Variants in SPAG17 observed in about 807,000 individuals in gnomAD.
SPAG17 encodes sperm associated antigen 17.
In SPAG17, 169 loss-of-function variants were observed where a neutral mutation model predicts 273.6. That is an observed-to-expected ratio of 0.62 (90% CI 0.55 to 0.70). The LOEUF (loss-of-function observed/expected upper bound fraction) is 0.70. SPAG17 is among the 30% of genes least tolerant of loss of function. The probability of loss-of-function intolerance (pLI) is 0.00; values close to 1 mark genes in which losing one functional copy is unlikely to be tolerated. For missense variants in SPAG17, 2,557 were observed against 2,627.8 expected (o/e 0.97, Z 0.59); for synonymous variants, 825 against 873.2 (o/e 0.94, Z 0.97).
intron 32 of SPAG17, among the ~76,000 whole-genome samples, chr1:118,002,431 T>A (rs577951911): frequency 5.3e-5 from 8 of 152,314 alleles, no homozygotes; most frequent in Middle Eastern, 3.4e-3. Context: ...GGTGTTAAAA[T>A]CTCCCATTAC....
intron 3 of SPAG17, among the ~76,000 whole-genome samples, chr1:118,130,093 T>G (rs556506836): frequency 9.9e-5 from 15 of 152,274 alleles, no homozygotes; most frequent in African/African-American, 3.6e-4. Context: ...AAGGGCTTAT[T>G]CCTTGAATTT....
chr1:118,085,538 G>GCGCA lies in SPAG17; in HGVS notation c.1762+383_1762+384insTGCG, dbSNP rs553795598. On this transcript the variant is annotated intron_variant, in intron 13 of 48. Coordinates refer to ENST00000336338, the MANE Select transcript of SPAG17 (RefSeq NM_206996.4). ...CGTGCGTGCATACGCGTGCGCGCGC[G>GCGCA]CACACACACACACACACACACAGCC... Among the ~76,000 whole-genome samples, 471 of 149,680 alleles carry GCGCA rather than the reference G, an allele frequency of 3.1e-3. 1 individual carries two copies. The highest frequency in any genetic ancestry group is 0.012 in the East Asian group (61 of 5,120).
At chr1:118,159,751 T>G (rs1659820768) in intron 1 of SPAG17, among the ~76,000 whole-genome samples, 1 of 152,158 alleles carries the variant, frequency 6.6e-6, no homozygotes, top group Non-Finnish European at 1.5e-5. Context: ...GCACATGAGC[T>G]TAATTCGGTT....
chr1:117,956,130 C>T (rs576046470), intron 48 of SPAG17, among the ~76,000 whole-genome samples: 53 of 152,096 alleles, frequency 3.5e-4, no homozygotes, highest in Non-Finnish European at 6.8e-4. Flanking sequence ...TGTATTTTGT[C>T]CTGTGAATTT....
intron 3 of SPAG17, among the ~76,000 whole-genome samples, chr1:118,145,831 G>A (rs1187987805): frequency 1.3e-5 from 2 of 152,070 alleles, no homozygotes; most frequent in Non-Finnish European, 2.9e-5. Flanking sequence ...TGAAATAAGT[G>A]AGTCATCAAC....
At chr1:118,076,639 A>C (rs1654123085) in intron 15 of SPAG17, 2 of 152,332 alleles carry the variant, frequency 1.3e-5, no homozygotes, top group Admixed American at 6.5e-5. Context: ...AGTTTAGAAA[A>C]TATGTTCTAA....
chr1:118,034,455 C>T (rs564423200), intron 24 of SPAG17, among the ~76,000 whole-genome samples: 1 of 152,322 alleles, frequency 6.6e-6, no homozygotes, highest in South Asian at 2.1e-4. Flanking sequence ...CTAGAATTCC[C>T]TCCCTTCAAT....
At position 118,068,066 on chromosome 1, in the gene SPAG17, G is replaced by A. The variant is rs1042563142; in HGVS notation, c.2386-1167C>T. Among the ~76,000 whole-genome samples, 8 of 151,698 alleles carry A rather than the reference G, an allele frequency of 5.3e-5. No individual in the cohort carries two copies. The East Asian group carries it at 5.8e-4, about 11-fold the overall frequency. On this transcript the variant is annotated intron_variant, in intron 17 of 48. Transcript: ENST00000336338. ...ATAAATTAGACAGCTGTGGGCTTTC[G>A]TTTTTGTTTTCAATATCAATTTGCT...
intron 17 of SPAG17, among the ~76,000 whole-genome samples, chr1:118,067,385 A>T (rs1653089982): frequency 6.6e-6 from 1 of 152,230 alleles, no homozygotes; most frequent in South Asian, 2.1e-4. Flanking sequence ...TGATGGGGTC[A>T]TGAGACTAGG....
chr1:117,978,244 G>A (rs1487367994), intron 43 of SPAG17, among the ~76,000 whole-genome samples: 1 of 152,064 alleles, frequency 6.6e-6, no homozygotes, highest in African/African-American at 2.4e-5. Context: ...CCACTCCTTT[G>A]CAATCAGACA....
chr1:117,986,500 A>T (rs1656425173), intron 40 of SPAG17, among the ~76,000 whole-genome samples: 1 of 152,200 alleles, frequency 6.6e-6, no homozygotes, highest in African/African-American at 2.4e-5. Context: ...TTCTTCAAAA[A>T]ACTTTCACTG....
intron 40 of SPAG17, among the ~76,000 whole-genome samples, chr1:117,987,182 C>T (rs1000047767): frequency 3.9e-5 from 6 of 152,154 alleles, no homozygotes; most frequent in Admixed American, 1.3e-4. Flanking sequence ...AAAACTTAAG[C>T]TATCCTCCCT....
At chr1:118,183,155 C>G (rs1402032986) in intron 1 of SPAG17, among the ~76,000 whole-genome samples, 1 of 152,120 alleles carries the variant, frequency 6.6e-6, no homozygotes, top group African/African-American at 2.4e-5. Context: ...TTCCTTCTCT[C>G]TCACCCCCAG....
At chr1:118,183,126 G>A (rs1421532476) in intron 1 of SPAG17, among the ~76,000 whole-genome samples, 2 of 152,084 alleles carry the variant, frequency 1.3e-5, no homozygotes, top group Non-Finnish European at 2.9e-5. Context: ...ACTTGTTTAT[G>A]GAAGACTGGA....
At chr1:118,120,516 G>A (rs1369999871) in intron 3 of SPAG17, among the ~76,000 whole-genome samples, 1 of 152,024 alleles carries the variant, frequency 6.6e-6, no homozygotes, top group East Asian at 1.9e-4. Context: ...ACCATCCTTG[G>A]CAAATTTTAT....
intron 1 of SPAG17, among the ~76,000 whole-genome samples, chr1:118,183,711 T>C (rs1417154285): frequency 6.6e-6 from 1 of 152,194 alleles, no homozygotes; most frequent in Non-Finnish European, 1.5e-5. Flanking sequence ...TTTGCAACAC[T>C]AAAGCTAATG....
At chr1:118,012,412 G>A (rs1659574763) in intron 29 of SPAG17, 40 bp from the exon 30 acceptor site, 3 of 1,599,734 alleles carry the variant, frequency 1.9e-6, no homozygotes, top group Non-Finnish European at 2.6e-6. Flanking sequence ...TTGGCCACAT[G>A]GTTCATCCCA....
chr1:118,004,203 A>G (rs1571211853), intron 32 of SPAG17, among the ~76,000 whole-genome samples: 1 of 152,114 alleles, frequency 6.6e-6, no homozygotes, highest in Admixed American at 6.5e-5. Context: ...CCAGAGGGGC[A>G]CCTGCCTATA....
rs139628405 is a variant in SPAG17, at chr1:118,041,983, T to C, written c.2874A>G (p.Lys958=). 1.9e-6 allele frequency: 3 copies of C among 1,613,954 alleles called. No individual in the cohort carries two copies. The African/African-American group carries it at 4.0e-5, about 22-fold the overall frequency. Residue 958 remains lysine (K), a synonymous_variant, in exon 21 of 49, where the codon AAA becomes AAG. Transcript: ENST00000336338. ...AEEERLREEK[K]AEKKGKEAGK... ...CAGCTTCTTTACCCTTCTTCTCTGC[T>C]TTCTTTTCTTCCCTTAAGCGCTCCT...
Sources: allele counts gnomAD v4.1 joint callset (sites outside exome capture counted in the v4.1 genomes callset), GRCh38; gene constraint gnomAD v4.1.1; transcripts MANE v1.5; gene names NCBI Gene and HGNC (gene_info 2026-07-23, HGNC 2026-07-21).